The following CTNNBIP1 variants were observed in gnomAD, a reference collection of about 807,000 sequenced individuals.
CTNNBIP1 encodes beta-catenin-interacting protein 1.
In CTNNBIP1, 7 loss-of-function variants were observed where a neutral mutation model predicts 11.8. The observed-to-expected ratio is 0.60, with a 90% CI of 0.34 to 1.12. CTNNBIP1 has a LOEUF of 1.12. CTNNBIP1 is among the 50% of genes most tolerant of loss of function. CTNNBIP1 has a pLI of 0.03. For missense variants in CTNNBIP1, 101 were observed against 113.4 expected, an observed-to-expected ratio of 0.89 and a Z score of 0.50; for synonymous variants, 58 against 43.9, an observed-to-expected ratio of 1.32 and a Z score of -1.26.
chr1:9,865,409 G>A (rs769741543), intron 5 of CTNNBIP1, among the ~76,000 whole-genome samples: 5 of 152,036 alleles, frequency 3.3e-5, no homozygotes, highest in African/African-American at 7.2e-5. Flanking sequence ...GACCATCCTG[G>A]CTAACACGGT....
At chr1:9,898,265 C>T (rs544617407) in intron 1 of CTNNBIP1, among the ~76,000 whole-genome samples, 20 of 152,158 alleles carry the variant, frequency 1.3e-4, no homozygotes, top group Non-Finnish European at 1.9e-4. Context: ...GTGGCTCACA[C>T]CTGTAATCCT....
At chr1:9,903,531 G>A (rs1432761567) in intron 1 of CTNNBIP1, among the ~76,000 whole-genome samples, 1 of 152,202 alleles carries the variant, frequency 6.6e-6, no homozygotes, top group African/African-American at 2.4e-5. Context: ...AAGGCTTCAT[G>A]GAAGACCAGA....
intron 5 of CTNNBIP1, among the ~76,000 whole-genome samples, chr1:9,854,825 T>C (rs978124528): frequency 9.2e-5 from 14 of 152,124 alleles, no homozygotes; most frequent in African/African-American, 3.1e-4. Flanking sequence ...TATAGGTGTG[T>C]GCCACCACAT....
intron 2 of CTNNBIP1, among the ~76,000 whole-genome samples, chr1:9,879,332 C>T (rs928366234): frequency 1.4e-4 from 21 of 152,236 alleles, no homozygotes; most frequent in African/African-American, 4.8e-4. Context: ...GAGAGAGGTG[C>T]GGGGCCAATG....
intron 3 of CTNNBIP1, among the ~76,000 whole-genome samples, chr1:9,874,146 C>T (rs1315319467): frequency 6.6e-6 from 1 of 152,182 alleles, no homozygotes; most frequent in African/African-American, 2.4e-5. Context: ...GCCTTCCTGG[C>T]ACTCGTCCGT....
At chr1:9,881,991 A>G (rs1195645428) in intron 2 of CTNNBIP1, among the ~76,000 whole-genome samples, 1 of 152,246 alleles carries the variant, frequency 6.6e-6, no homozygotes, top group African/African-American at 2.4e-5. Flanking sequence ...AGGTCAAGAC[A>G]CAAACCCTCC....
At chr1:9,903,201 G>A (rs1056164632) in intron 1 of CTNNBIP1, among the ~76,000 whole-genome samples, 3 of 152,082 alleles carry the variant, frequency 2.0e-5, no homozygotes, top group African/African-American at 7.2e-5. Context: ...AGGGAGGGAG[G>A]AGTAATGGAA....
At chr1:9,865,534 G>A (rs1246149802) in intron 5 of CTNNBIP1, among the ~76,000 whole-genome samples, 2 of 151,930 alleles carry the variant, frequency 1.3e-5, no homozygotes, top group Admixed American at 6.6e-5. Context: ...AACCCGGGAG[G>A]TGGAGTTTGC....
rs1248776019 is a variant in CTNNBIP1, at chr1:9,851,665, C to T, written c.188-889G>A. Among the ~76,000 whole-genome samples, 1 of 152,186 alleles carries T rather than the reference C, an allele frequency of 6.6e-6. No homozygotes were observed. Among genetic ancestry groups the T allele is most frequent in the Non-Finnish European group, 1.5e-5 (1 of 68,032 alleles). On this transcript the variant is annotated intron_variant, in intron 5 of 5. Transcript: ENST00000377263. This position sits in a 1 kb window ranked among gnomAD's most constrained non-coding sequence, Gnocchi z 4.8. ...GGATTATAGGCAGGAGCCACCGTGC[C>T]CAGCCAATCCTTCTTTTTCTTAATC...
chr1:9,891,185 G>C (rs1639293863), intron 1 of CTNNBIP1, among the ~76,000 whole-genome samples: 1 of 152,112 alleles, frequency 6.6e-6, no homozygotes, highest in Non-Finnish European at 1.5e-5. Context: ...TTCTCCACAA[G>C]GTACATAAGG....
chr1:9,866,177 A>G (rs1320697123), intron 5 of CTNNBIP1, among the ~76,000 whole-genome samples: 1 of 152,230 alleles, frequency 6.6e-6, no homozygotes, highest in Non-Finnish European at 1.5e-5. Flanking sequence ...CAGCTGAGGT[A>G]CATGCACATG....
At position 9,881,602 on chromosome 1, in the gene CTNNBIP1, G is replaced by A. The variant is rs141142847; in HGVS notation, c.-110+2103C>T. 9.7e-3 allele frequency among the ~76,000 whole-genome samples: 1,479 copies of A among 151,870 alleles called. 26 individuals are homozygous for A. The highest frequency in any genetic ancestry group is 0.033 in the African/African-American group (1,360 of 41,400). ...GATCCGCCCGCCTCAGTCTCCCAAA[G>A]TGCTGGGATTATAGGCATGAGCCAC... On this transcript the variant is annotated intron_variant, in intron 2 of 5. Coordinates refer to ENST00000377263, the MANE Select transcript of CTNNBIP1 (RefSeq NM_020248.3).
At chr1:9,853,219 A>G (rs1196228252) in intron 5 of CTNNBIP1, among the ~76,000 whole-genome samples, 3 of 152,208 alleles carry the variant, frequency 2.0e-5, no homozygotes, top group African/African-American at 7.2e-5. Flanking sequence ...GATATTATCC[A>G]GGCTTTACCA....
chr1:9,906,141 G>C (rs567668898), intron 1 of CTNNBIP1, among the ~76,000 whole-genome samples: 1 of 152,300 alleles, frequency 6.6e-6, no homozygotes, highest in Admixed American at 6.5e-5. Flanking sequence ...TATTACTATT[G>C]TGCATATGGG....
At chr1:9,908,082 G>A (rs965570646) in intron 1 of CTNNBIP1, among the ~76,000 whole-genome samples, 1 of 152,190 alleles carries the variant, frequency 6.6e-6, no homozygotes, top group East Asian at 1.9e-4. Flanking sequence ...CGCCCAAGAC[G>A]GAGTTTTGCT....
rs1639122101 is a variant in CTNNBIP1, at chr1:9,883,370, C to T, written c.-110+335G>A. ...GAGCAAGAACAGTGAGAGCTGCTCC[C>T]GAGAGGCAGGAACCAGTGGGTTTTC... On this transcript the variant is annotated intron_variant, in intron 2 of 5. Coordinates refer to ENST00000377263, the MANE Select transcript of CTNNBIP1 (RefSeq NM_020248.3). The surrounding 1 kb of genome is among the most constrained non-coding windows in gnomAD (Gnocchi z 5.6). Among the ~76,000 whole-genome samples, 1 of 151,964 alleles carries T rather than the reference C, an allele frequency of 6.6e-6. No individual in the cohort carries two copies. The highest frequency in any genetic ancestry group is 1.5e-5 in the Non-Finnish European group (1 of 67,992).
chr1:9,873,574 C>T (rs1488268974), intron 3 of CTNNBIP1, among the ~76,000 whole-genome samples: 1 of 152,170 alleles, frequency 6.6e-6, no homozygotes, highest in South Asian at 2.1e-4. Flanking sequence ...CTCCACACAG[C>T]CTTGTGGGGT....
chr1:9,858,168 C>T lies in CTNNBIP1; in HGVS notation c.188-7392G>A, dbSNP rs544921298. Among the ~76,000 whole-genome samples, 4 of 152,284 alleles carry T rather than the reference C, an allele frequency of 2.6e-5. No individual in the cohort carries two copies. In the South Asian group the frequency reaches 8.3e-4, roughly 32 times the overall value. On this transcript the variant is annotated intron_variant, in intron 5 of 5. Transcript: ENST00000377263. ...CCACTTCTGCCACCACCACCCTGGT[C>T]GGGGGTGGGTGGACTCCTGAATCCC...
At position 9,849,736 on chromosome 1, in the gene CTNNBIP1, T is replaced by A. The variant is rs1305111185; in HGVS notation, c.*982A>T. 6.6e-6 allele frequency: 1 copy of A among 152,334 alleles called. No individual in the cohort carries two copies. The highest frequency in any genetic ancestry group is 1.9e-4 in the East Asian group (1 of 5,206). The allele number at this position is 152,334 out of a possible 1,614,324, so 9.4% of individuals were successfully genotyped here. ...TAGTACGCCTCTGCTGGGCGCGGCCTGGCCGGTGGGGCCTGGACGGTGCCT... is the reference window on the plus strand; with the variant it reads ...TAGTACGCCTCTGCTGGGCGCGGCCAGGCCGGTGGGGCCTGGACGGTGCCT... On this transcript the variant is annotated 3_prime_UTR_variant, in exon 6 of 6. Coordinates refer to ENST00000377263, the MANE Select transcript of CTNNBIP1 (RefSeq NM_020248.3).
Sources: gnomAD v4.1 joint callset for allele counts (sites outside exome capture counted in the v4.1 genomes callset) on GRCh38, gnomAD v4.1.1 for gene constraint, Gnocchi (gnomAD v3.1) non-coding constraint, MANE v1.5 for transcripts, NCBI Gene and HGNC (gene_info 2026-07-23, HGNC 2026-07-21) for gene names.